The following FAM135B variants were observed in gnomAD, a reference collection of about 807,000 sequenced individuals.
FAM135B encodes family with sequence similarity 135 member B.
Under a neutral mutation model 127.7 loss-of-function variants are expected in FAM135B, and 43 were observed. The observed-to-expected ratio is 0.34, with a 90% CI of 0.26 to 0.43. The LOEUF (loss-of-function observed/expected upper bound fraction) is 0.43. Ranked by LOEUF, FAM135B falls within the 20% of genes least tolerant of loss-of-function variation. The pLI, the probability that FAM135B is intolerant of heterozygous loss-of-function variation, is 1.00. For synonymous variants in FAM135B, 670 were observed against 665.1 expected (o/e 1.01, Z -0.11); for missense variants, 1,558 against 1,725.6 (o/e 0.90, Z 1.72).
At chr8:138,469,851 G>A (rs1837581931) in intron 1 of FAM135B, among the ~76,000 whole-genome samples, 2 of 152,266 alleles carry the variant, frequency 1.3e-5, no homozygotes, top group South Asian at 2.1e-4. Context: ...ACATTCTCAA[G>A]CTAGCAGCAT....
chr8:138,414,139 TGCACAAA>T (rs1834016825), intron 1 of FAM135B, among the ~76,000 whole-genome samples: 4 of 148,428 alleles, frequency 2.7e-5, no homozygotes, highest in South Asian at 2.1e-4. Context: ...TATATATATA[TGCACAAA>T]AAATATATAA....
chr8:138,297,697 G>A (rs905563050), intron 3 of FAM135B, among the ~76,000 whole-genome samples: 2 of 152,196 alleles, frequency 1.3e-5, no homozygotes, highest in Non-Finnish European at 2.9e-5. Context: ...TGAGGATGCT[G>A]AGCAAAGGAA....
chr8:138,428,907 G>A (rs753396842), intron 1 of FAM135B, among the ~76,000 whole-genome samples: 8 of 152,010 alleles, frequency 5.3e-5, no homozygotes, highest in East Asian at 1.9e-4. Flanking sequence ...CCTCTATTTC[G>A]TTCCACAAAC....
chr8:138,259,512 C>T (rs569339345), intron 4 of FAM135B, among the ~76,000 whole-genome samples: 41 of 152,300 alleles, frequency 2.7e-4, no homozygotes, highest in Admixed American at 6.5e-4. Context: ...CACAACTGAA[C>T]TGACAATTCT....
chr8:138,184,847 T>A, intron 9 of FAM135B, among the ~76,000 whole-genome samples: 1 of 152,192 alleles, frequency 6.6e-6, no homozygotes, highest in East Asian at 1.9e-4. Flanking sequence ...CTAGTGGGAA[T>A]TGCAGAATCT....
intron 7 of FAM135B, among the ~76,000 whole-genome samples, chr8:138,198,154 C>A (rs893456938): frequency 3.9e-5 from 6 of 152,098 alleles, no homozygotes; most frequent in African/African-American, 1.2e-4. Flanking sequence ...ATGCTGTTCT[C>A]ATGATAGTGA....
chr8:138,265,316 G>C (rs572529119), intron 4 of FAM135B, among the ~76,000 whole-genome samples: 63 of 152,096 alleles, frequency 4.1e-4, no homozygotes, highest in Non-Finnish European at 6.8e-4. Context: ...AGTTCCTGCT[G>C]CCTTCTCCGG....
chr8:138,374,983 T>TAACAACAACAAC (rs58875296), intron 1 of FAM135B, among the ~76,000 whole-genome samples: 1 of 150,262 alleles, frequency 6.7e-6, no homozygotes, highest in African/African-American at 2.5e-5. Context: ...CTGGGAAAAT[T>TAACAACAACAAC]AACAACAACA....
At chr8:138,312,003 G>A (rs886082740) in intron 2 of FAM135B, among the ~76,000 whole-genome samples, 3 of 152,142 alleles carry the variant, frequency 2.0e-5, no homozygotes, top group African/African-American at 7.2e-5. Flanking sequence ...CAGGCATATA[G>A]TGGTATGATC....
At chr8:138,307,486 C>A (rs1467038810) in intron 3 of FAM135B, among the ~76,000 whole-genome samples, 1 of 152,148 alleles carries the variant, frequency 6.6e-6, no homozygotes, top group Non-Finnish European at 1.5e-5. Context: ...ATCAAATCAC[C>A]CTGTTTAAAT....
At chr8:138,171,654 C>T (rs150669844) in intron 11 of FAM135B, among the ~76,000 whole-genome samples, 14 of 152,282 alleles carry the variant, frequency 9.2e-5, no homozygotes, top group East Asian at 3.9e-4. Flanking sequence ...GTGGTTCAGA[C>T]GGCTGAGGCT....
chr8:138,156,465 T>C (rs1415105275), intron 12 of FAM135B, among the ~76,000 whole-genome samples: 3 of 151,964 alleles, frequency 2.0e-5, no homozygotes, highest in Non-Finnish European at 4.4e-5. Context: ...CTGAAGGAGA[T>C]AGAGACACAA....
intron 1 of FAM135B, among the ~76,000 whole-genome samples, chr8:138,421,495 G>A (rs1834508467): frequency 6.6e-6 from 1 of 152,068 alleles, no homozygotes; most frequent in African/African-American, 2.4e-5. Flanking sequence ...CATAATTAAT[G>A]TCTAAGCTGA....
At chr8:138,356,394 G>A (rs1830092778) in intron 2 of FAM135B, among the ~76,000 whole-genome samples, 1 of 152,018 alleles carries the variant, frequency 6.6e-6, no homozygotes, top group Non-Finnish European at 1.5e-5. Flanking sequence ...CAAAACCAGG[G>A]CAGATATTGA....
chr8:138,290,023 G>A (rs78340141), intron 3 of FAM135B, among the ~76,000 whole-genome samples: 2,559 of 152,270 alleles, frequency 0.017, 44 homozygotes, highest in Non-Finnish European at 0.024. Context: ...AAAACACTGT[G>A]TCAGGAAGAC....
chr8:138,409,488 T>A (rs1003206734), intron 1 of FAM135B, among the ~76,000 whole-genome samples: 4 of 151,948 alleles, frequency 2.6e-5, no homozygotes, highest in Non-Finnish European at 5.9e-5. Flanking sequence ...CACATGCTGT[T>A]GGAAAAAAAT....
chr8:138,425,943 G>T (rs1355246425), intron 1 of FAM135B, among the ~76,000 whole-genome samples: 1 of 136,576 alleles, frequency 7.3e-6, no homozygotes, highest in African/African-American at 2.6e-5. Context: ...GAAGTCAGGA[G>T]TTCGAGACCA....
chr8:138,429,280 C>A (rs1835069379), intron 1 of FAM135B, among the ~76,000 whole-genome samples: 1 of 152,108 alleles, frequency 6.6e-6, no homozygotes, highest in Non-Finnish European at 1.5e-5. Flanking sequence ...GGACCATGTC[C>A]TATTCACACT....
At chr8:138,331,636 C>T (rs1035935246) in intron 2 of FAM135B, among the ~76,000 whole-genome samples, 1 of 146,278 alleles carries the variant, frequency 6.8e-6, no homozygotes, top group African/African-American at 2.4e-5. Flanking sequence ...CTCTTAGCAA[C>T]CTCACCTGAT....
Sources: gnomAD v4.1 joint callset for allele counts (sites outside exome capture counted in the v4.1 genomes callset) on GRCh38, gnomAD v4.1.1 for gene constraint, MANE v1.5 for transcripts, NCBI Gene and HGNC (gene_info 2026-07-23, HGNC 2026-07-21) for gene names.